The following RERE variants were observed in gnomAD, a reference collection of about 807,000 sequenced individuals.
RERE encodes arginine-glutamic acid dipeptide repeats, also known as arginine-glutamic acid dipeptide repeats protein.
In RERE, 40 loss-of-function variants were observed where a neutral mutation model predicts 146.1. The observed-to-expected ratio is 0.27, with a 90% CI of 0.21 to 0.36. The LOEUF (loss-of-function observed/expected upper bound fraction) is 0.36, where lower values mean the gene tolerates loss of function less well. Among genes scored for constraint, RERE ranks in the 10% least tolerant of loss-of-function variants. RERE has a pLI of 1.00. For synonymous variants in RERE, 1,003 were observed against 866.0 expected (o/e 1.16, Z -2.78); for missense variants, 1,933 against 2,138.7 (o/e 0.90, Z 1.90).
At chr1:8,471,859 T>A (rs1290838030) in intron 10 of RERE, among the ~76,000 whole-genome samples, 2 of 152,146 alleles carry the variant, frequency 1.3e-5, no homozygotes, top group Non-Finnish European at 2.9e-5. Flanking sequence ...TTGCCCAGGC[T>A]GGAGTGCAAT....
In RERE at chr1:8,360,191, T is replaced by G; in HGVS notation, c.3316A>C (p.Ser1106Arg). The G allele has an allele frequency of 6.3e-7, 1 of 1,597,452 alleles. No homozygotes were observed. The highest frequency in any genetic ancestry group is 8.5e-7 in the Non-Finnish European group (1 of 1,173,118). ...EALDDAEEPE[S>R]PPPPPRSPSP... ...GGGCTCCTTGGTGGGGGAGGGGGGC[T>G]CTCAGGCTCCTCAGCGTCGTCCAGA... The change falls in exon 18 of 23, where the codon AGC becomes CGC. Residue 1106 changes from serine (S) to arginine (R), a missense_variant. By Grantham distance (110) the Ser-to-Arg change is moderately radical. Coordinates refer to ENST00000400908, the MANE Select transcript of RERE (RefSeq NM_001042681.2).
rs1639050188 is a variant in RERE, at chr1:8,684,852, ATTC to A, written c.-144-28414_-144-28412del. On this transcript the variant is annotated intron_variant, in intron 1 of 22. Coordinates refer to ENST00000400908, the MANE Select transcript of RERE (RefSeq NM_001042681.2). Reference sequence around the variant, plus strand: ...CCTTTACTCATTCATCCATTCATTCATTCATTCATTCATTCCATTCATTTGAGA... The same window carrying A: ...CCTTTACTCATTCATCCATTCATTCAATTCATTCATTCCATTCATTTGAGA... 1.7e-4 allele frequency among the ~76,000 whole-genome samples: 26 copies of A among 152,238 alleles called. 1 individual carries two copies. The South Asian group carries it at 5.4e-3, about 32-fold the overall frequency.
At chr1:8,613,747 T>C (rs557835528) in intron 4 of RERE, among the ~76,000 whole-genome samples, 2 of 152,278 alleles carry the variant, frequency 1.3e-5, no homozygotes, top group Non-Finnish European at 2.9e-5. Context: ...TAACTGCAAC[T>C]ACACTTCTTT....
intron 1 of RERE, among the ~76,000 whole-genome samples, chr1:8,715,341 G>A (rs937738219): frequency 1.6e-4 from 24 of 151,234 alleles, no homozygotes; most frequent in Non-Finnish European, 2.2e-4. Context: ...GTGAAACCCC[G>A]TCTCTACTAA....
chr1:8,797,191 C>T lies in RERE; in HGVS notation c.-145+19969G>A, dbSNP rs139785862. On this transcript the variant is annotated intron_variant, in intron 1 of 22. Coordinates refer to ENST00000400908, the MANE Select transcript of RERE (RefSeq NM_001042681.2). ...GAGTTCAAGACCAGCCTGGGCAACA[C>T]AGGGAGACCCTAGAAAAAAATTAAA... Among the ~76,000 whole-genome samples, 446 of 152,090 alleles carry T rather than the reference C, an allele frequency of 2.9e-3. 3 individuals are homozygous for T. The highest frequency in any genetic ancestry group is 0.01 in the African/African-American group (425 of 41,484).
chr1:8,546,389 G>C (rs1259992200), intron 6 of RERE, among the ~76,000 whole-genome samples: 1 of 152,038 alleles, frequency 6.6e-6, no homozygotes, highest in East Asian at 1.9e-4. Context: ...TAAATTTCCA[G>C]GTGAAAGGGT....
At chr1:8,559,195 G>C (rs1646042599) in intron 4 of RERE, among the ~76,000 whole-genome samples, 1 of 144,916 alleles carries the variant, frequency 6.9e-6, no homozygotes, top group African/African-American at 2.6e-5. Context: ...CAGGAGAATT[G>C]CTTGAACCTG....
At chr1:8,545,982 C>CTGTTTTTTTTTT (rs1645855166) in intron 6 of RERE, among the ~76,000 whole-genome samples, 1 of 69,466 alleles carries the variant, frequency 1.4e-5, no homozygotes, top group Non-Finnish European at 2.5e-5. Context: ...CATACCCAGT[C>CTGTTTTTTTTTT]TTTTTTTTTT....
At chr1:8,595,813 G>A (rs1324108099) in intron 4 of RERE, among the ~76,000 whole-genome samples, 2 of 152,172 alleles carry the variant, frequency 1.3e-5, no homozygotes, top group African/African-American at 2.4e-5. Flanking sequence ...AAAAAAGGAT[G>A]CATCAACTCA....
chr1:8,372,507 C>CATGTGTGTGTGT (rs1553157691), intron 12 of RERE, among the ~76,000 whole-genome samples: 152 of 131,826 alleles, frequency 1.2e-3, no homozygotes, highest in Middle Eastern at 7.7e-3. Context: ...ACCATCAGGT[C>CATGTGTGTGTGT]GTGTGTGTGT....
chr1:8,570,868 T>A (rs1278609435), intron 4 of RERE, among the ~76,000 whole-genome samples: 1 of 152,178 alleles, frequency 6.6e-6, no homozygotes, highest in Admixed American at 6.5e-5. Flanking sequence ...TCAGATACTA[T>A]TAAAAAAGAT....
chr1:8,630,323 C>A (rs992037066), intron 2 of RERE, among the ~76,000 whole-genome samples: 1 of 152,018 alleles, frequency 6.6e-6, no homozygotes, highest in Non-Finnish European at 1.5e-5. Context: ...CATTCCTCAA[C>A]TCTATAAACA....
chr1:8,482,021 A>G (rs1270549993), intron 10 of RERE, among the ~76,000 whole-genome samples: 1 of 152,170 alleles, frequency 6.6e-6, no homozygotes, highest in Non-Finnish European at 1.5e-5. Context: ...ATATATAAAA[A>G]TGGCTAATAC....
intron 1 of RERE, among the ~76,000 whole-genome samples, chr1:8,769,071 G>A (rs1459858626): frequency 1.3e-5 from 2 of 152,188 alleles, no homozygotes; most frequent in Admixed American, 1.3e-4. Flanking sequence ...GGGGCTATAA[G>A]GGTAGAGGTG....
At chr1:8,648,026 A>G (rs1647409607) in intron 2 of RERE, among the ~76,000 whole-genome samples, 1 of 152,178 alleles carries the variant, frequency 6.6e-6, no homozygotes, top group Admixed American at 6.5e-5. Flanking sequence ...TTTTCACAGA[A>G]CAAGTCCATG....
At chr1:8,620,708 C>A (rs572846103) in intron 3 of RERE, among the ~76,000 whole-genome samples, 3 of 151,998 alleles carry the variant, frequency 2.0e-5, no homozygotes, top group South Asian at 2.1e-4. Flanking sequence ...CAGTGCGAAG[C>A]GACCTTTTTA....
chr1:8,815,003 G>C (rs1320513509), intron 1 of RERE, among the ~76,000 whole-genome samples: 1 of 152,292 alleles, frequency 6.6e-6, no homozygotes, highest in East Asian at 1.9e-4. Flanking sequence ...GCGCTTAAAA[G>C]AAAATCATTA....
At chr1:8,497,313 A>C in intron 9 of RERE, 92 bp downstream of exon 9, 1 of 1,411,768 alleles carries the variant, frequency 7.1e-7, no homozygotes, top group Non-Finnish European at 9.8e-7. Context: ...CCAATATAGA[A>C]ATAAAATCTC....
Position 8,361,844 on chromosome 1 carries a change from C to T in RERE, c.1935G>A (p.Lys645=). The T allele has an allele frequency of 6.2e-7, 1 of 1,614,006 alleles. No homozygotes were observed. Among genetic ancestry groups the T allele is most frequent in the Admixed American group, 1.7e-5 (1 of 60,030 alleles). The change falls in exon 17 of 23, where the codon AAG becomes AAA. Residue 645 remains lysine (K), a synonymous_variant. Coordinates refer to ENST00000400908, the MANE Select transcript of RERE (RefSeq NM_001042681.2). ...KVKEEASSPL[K]SNKRQREKVA... is the part of the protein sequence containing the mutation. ...CCTTCTCCCGCTGGCGTTTGTTACT[C>T]TTAAGAGGGGAAGAGGCTTCCTCCT...
Sources: allele counts gnomAD v4.1 joint callset (sites outside exome capture counted in the v4.1 genomes callset), GRCh38; gene constraint gnomAD v4.1.1; transcripts MANE v1.5; gene names NCBI Gene and HGNC (gene_info 2026-07-23, HGNC 2026-07-21).